The following BAZ2B variants were observed in gnomAD, a reference collection of about 807,000 sequenced individuals.
BAZ2B encodes the protein bromodomain adjacent to zinc finger domain 2B.
In BAZ2B, 91 loss-of-function variants were observed where a neutral mutation model predicts 246.0. The ratio of observed to expected loss-of-function variants is 0.37; its 90% confidence interval spans 0.31 to 0.44. BAZ2B has a LOEUF of 0.44. Among genes scored for constraint, BAZ2B ranks in the 20% least tolerant of loss-of-function variants. BAZ2B has a pLI of 1.00. For missense variants in BAZ2B, 2,332 were observed against 2,533.7 expected, an observed-to-expected ratio of 0.92 and a Z score of 1.71; for synonymous variants, 855 against 860.0, an observed-to-expected ratio of 0.99 and a Z score of 0.10.
intron 2 of BAZ2B, among the ~76,000 whole-genome samples, chr2:159,515,578 CT>C (rs998136686): frequency 3.9e-5 from 6 of 151,964 alleles, no homozygotes; most frequent in African/African-American, 1.4e-4. Context: ...AATTCATTTC[CT>C]TTGTAGTTTG....
At chr2:159,709,763 A>T in the BAZ2B span, among the ~76,000 whole-genome samples, 1 of 152,350 alleles carries the variant, frequency 6.6e-6, no homozygotes, top group South Asian at 2.1e-4. Context: ...TTGAAATTCA[A>T]TATCTGAAAG....
the BAZ2B span, among the ~76,000 whole-genome samples, chr2:159,666,184 G>A: frequency 6.7e-6 from 1 of 150,102 alleles, no homozygotes; most frequent in African/African-American, 2.5e-5. Context: ...TTTATTAAGT[G>A]TGTTTTCAAA....
intron 27 of BAZ2B, among the ~76,000 whole-genome samples, chr2:159,367,625 C>T (rs1216992046): frequency 1.3e-5 from 2 of 152,100 alleles, no homozygotes; most frequent in Non-Finnish European, 2.9e-5. Flanking sequence ...GTGGCTCACA[C>T]CTGTAATCCC....
At chr2:159,703,820 G>C in the BAZ2B span, among the ~76,000 whole-genome samples, 5 of 152,076 alleles carry the variant, frequency 3.3e-5, no homozygotes, top group Non-Finnish European at 7.4e-5. Flanking sequence ...AGCAGTGATC[G>C]TGCCACTGTA....
intron 2 of BAZ2B, among the ~76,000 whole-genome samples, chr2:159,540,246 G>C (rs954251898): frequency 6.6e-6 from 1 of 152,144 alleles, no homozygotes; most frequent in African/African-American, 2.4e-5. Context: ...ACAATATAAT[G>C]ACTAAATGAA....
At chr2:159,465,032 C>G (rs1213731579) in intron 3 of BAZ2B, among the ~76,000 whole-genome samples, 1 of 152,144 alleles carries the variant, frequency 6.6e-6, no homozygotes, top group African/African-American at 2.4e-5. Flanking sequence ...TTTGCTAGAG[C>G]TGCCATAACA....
chr2:159,689,440 C>T, the BAZ2B span: 10 of 235,610 alleles, frequency 4.2e-5, no homozygotes, highest in Non-Finnish European at 7.3e-5. Context: ...GGCACGATCT[C>T]GGCTCACTGC....
In BAZ2B at chr2:159,448,128, AAAAC is replaced by A. The variant is rs574012855; in HGVS notation, c.502+110_502+113del. 2.2e-4 allele frequency: 265 copies of A among 1,231,308 alleles called. 1 individual carries two copies. The highest frequency in any genetic ancestry group is 1.8e-3 in the African/African-American group (119 of 64,852). The allele number at this position is 1,231,308 out of a possible 1,614,324, so 76.3% of individuals were successfully genotyped here. ...AAAAGAGTGAGACCTTGTCTCTATT[AAAAC>A]AAACAAACAAACAAAAACAAAAAAC... On this transcript the variant is annotated intron_variant, in intron 5 of 36. Transcript: ENST00000392783.
At chr2:159,679,741 T>C in the BAZ2B span, among the ~76,000 whole-genome samples, 2 of 152,118 alleles carry the variant, frequency 1.3e-5, no homozygotes. Flanking sequence ...AATAGGAAAA[T>C]TAAACTTCTT....
intron 1 of BAZ2B, among the ~76,000 whole-genome samples, chr2:159,577,894 T>A (rs1424841511): frequency 6.6e-6 from 1 of 152,156 alleles, no homozygotes; most frequent in African/African-American, 2.4e-5. Context: ...TTATTCAACA[T>A]GAGAAAAGAA....
chr2:159,643,986 T>C, the BAZ2B span, among the ~76,000 whole-genome samples: 1 of 151,852 alleles, frequency 6.6e-6, no homozygotes, highest in Non-Finnish European at 1.5e-5. Context: ...GGCTGTCACA[T>C]GTATTACTAG....
chr2:159,662,098 T>C, the BAZ2B span, among the ~76,000 whole-genome samples: 1 of 152,226 alleles, frequency 6.6e-6, no homozygotes, highest in Non-Finnish European at 1.5e-5. Context: ...TCATACAACA[T>C]GTGGCCTTGT....
chr2:159,565,825 G>GT (rs1419892498), intron 1 of BAZ2B, among the ~76,000 whole-genome samples: 1 of 150,128 alleles, frequency 6.7e-6, no homozygotes, highest in Non-Finnish European at 1.5e-5. Context: ...AAGAAAGCTT[G>GT]TATCTGTCCT....
intron 27 of BAZ2B, among the ~76,000 whole-genome samples, chr2:159,352,660 A>AT (rs1274465353): frequency 6.6e-6 from 1 of 151,998 alleles, no homozygotes. Flanking sequence ...TAATTTTTGT[A>AT]TTTTTTGTAG....
At chr2:159,481,008 T>C (rs1432088732) in intron 2 of BAZ2B, among the ~76,000 whole-genome samples, 1 of 152,068 alleles carries the variant, frequency 6.6e-6, no homozygotes, top group African/African-American at 2.4e-5. Context: ...AGGCATTTCT[T>C]AGTTCTAATA....
chr2:159,547,644 A>C (rs1471876264), intron 2 of BAZ2B, among the ~76,000 whole-genome samples: 1 of 152,168 alleles, frequency 6.6e-6, no homozygotes, highest in African/African-American at 2.4e-5. Context: ...AAGTCACCTT[A>C]ATTCAGGAAA....
intron 31 of BAZ2B, among the ~76,000 whole-genome samples, chr2:159,343,708 C>T (rs901128470): frequency 6.6e-5 from 10 of 151,906 alleles, no homozygotes; most frequent in Non-Finnish European, 2.9e-5. Context: ...ATTATCTCAC[C>T]CCAGTTAGAA....
At chr2:159,673,533 C>A in the BAZ2B span, among the ~76,000 whole-genome samples, 1 of 152,106 alleles carries the variant, frequency 6.6e-6, no homozygotes, top group Non-Finnish European at 1.5e-5. Context: ...GCTCTAAATG[C>A]ATAAAAATAT....
upstream of BAZ2B, among the ~76,000 whole-genome samples, chr2:159,618,821 C>A (rs1379413612): frequency 2.6e-5 from 4 of 152,142 alleles, no homozygotes; most frequent in Admixed American, 6.5e-5. Context: ...ATATACCTCG[C>A]TTGAAATAAA....
Sources: gnomAD v4.1 joint callset for allele counts (sites outside exome capture counted in the v4.1 genomes callset) on GRCh38, gnomAD v4.1.1 for gene constraint, MANE v1.5 for transcripts, NCBI Gene and HGNC (gene_info 2026-07-23, HGNC 2026-07-21) for gene names.